PDE11A: variants seen among roughly 807,000 people sequenced by gnomAD.
The protein encoded by PDE11A is phosphodiesterase 11A.
Under a neutral mutation model 100.5 loss-of-function variants are expected in PDE11A, and 100 were observed. The observed-to-expected ratio is 1.00, with a 90% CI of 0.85 to 1.18. The LOEUF (loss-of-function observed/expected upper bound fraction) is 1.18, where lower values mean the gene tolerates loss of function less well. PDE11A is among the 50% of genes most tolerant of loss of function. The pLI is 0.00. For synonymous variants in PDE11A, 381 were observed against 420.8 expected, an observed-to-expected ratio of 0.91 and a Z score of 1.16; for missense variants, 1,141 against 1,152.6, an observed-to-expected ratio of 0.99 and a Z score of 0.15.
chr2:177,631,480 CAAAAAAAAAAAAAAA>C (rs539411793), intron 19 of PDE11A, among the ~76,000 whole-genome samples: 35 of 8,146 alleles, frequency 4.3e-3, no homozygotes, highest in Non-Finnish European at 5.7e-3. Flanking sequence ...GACTCTATCT[CAAAAAAAAAAAAAAA>C]AAAAAAAAAA....
At position 177,905,234 on chromosome 2, in the gene PDE11A, T is replaced by C. The variant is rs771822612; in HGVS notation, c.1072-47A>G. Reference sequence around the variant, plus strand: ...GAACATTAAAACATAAGAACATTGATACATCCCTTGTAGACTAAATTGCAC... The same window carrying C: ...GAACATTAAAACATAAGAACATTGACACATCCCTTGTAGACTAAATTGCAC... On this transcript the variant is annotated intron_variant, in intron 2 of 19. Transcript: ENST00000286063. The C allele has an allele frequency of 3.9e-6, 4 of 1,023,978 alleles. No individual in the cohort carries two copies. The Admixed American group carries it at 6.8e-5, about 17-fold the overall frequency. 63.4% of individuals were successfully genotyped at this position (1,023,978 alleles called of 1,614,324 possible).
intron 18 of PDE11A, among the ~76,000 whole-genome samples, chr2:177,664,862 A>T (rs1218222853): frequency 6.6e-6 from 1 of 152,076 alleles, no homozygotes; most frequent in African/African-American, 2.4e-5. Context: ...TGGCATTCAC[A>T]TTATTTTGGT....
At chr2:177,665,515 A>AATAAT (rs2080561084) in intron 18 of PDE11A, among the ~76,000 whole-genome samples, 5 of 150,764 alleles carry the variant, frequency 3.3e-5, no homozygotes, top group Non-Finnish European at 7.4e-5. Context: ...AATAAAATAA[A>AATAAT]ATAAAATAAA....
chr2:178,094,523 G>T (rs555982610), intron 2 of PDE11A, among the ~76,000 whole-genome samples: 1 of 152,050 alleles, frequency 6.6e-6, no homozygotes, highest in Non-Finnish European at 1.5e-5. Flanking sequence ...CAGAGTGACA[G>T]CCTGTCTCGA....
chr2:178,040,746 A>G (rs2086673442), intron 1 of PDE11A, among the ~76,000 whole-genome samples: 1 of 152,166 alleles, frequency 6.6e-6, no homozygotes, highest in African/African-American at 2.4e-5. Flanking sequence ...TCCTTTTACT[A>G]TGCTTTGACA....
At chr2:177,889,106 T>C (rs2084486984) in intron 4 of PDE11A, among the ~76,000 whole-genome samples, 1 of 152,224 alleles carries the variant, frequency 6.6e-6, no homozygotes, top group African/African-American at 2.4e-5. Flanking sequence ...GCTGTGCTCT[T>C]CTTTGTATAT....
chr2:177,750,470 T>A (rs2082010692), intron 10 of PDE11A, among the ~76,000 whole-genome samples: 1 of 152,256 alleles, frequency 6.6e-6, no homozygotes, highest in Admixed American at 6.5e-5. Flanking sequence ...ATCTGGATGG[T>A]CCTGCAGCAT....
At chr2:178,065,418 T>C (rs924814428) in intron 1 of PDE11A, among the ~76,000 whole-genome samples, 2 of 152,208 alleles carry the variant, frequency 1.3e-5, no homozygotes, top group South Asian at 2.1e-4. Context: ...ATTTAGCTTA[T>C]GGGTTGGGAA....
At chr2:177,692,975 C>G (rs954748884) in intron 15 of PDE11A, among the ~76,000 whole-genome samples, 2 of 152,174 alleles carry the variant, frequency 1.3e-5, no homozygotes, top group Non-Finnish European at 2.9e-5. Flanking sequence ...CCCTGCCCAG[C>G]CTGGCCCTTT....
At chr2:177,777,606 A>G (rs947373159) in intron 9 of PDE11A, among the ~76,000 whole-genome samples, 1 of 152,208 alleles carries the variant, frequency 6.6e-6, no homozygotes, top group Admixed American at 6.5e-5. Flanking sequence ...TAGGTTCATC[A>G]TACATTTTTG....
rs1003059424 is a variant in PDE11A at position 177,840,400 on chromosome 2, G to T, written c.1368-17C>A. The T allele has an allele frequency of 1.9e-6, 3 of 1,612,602 alleles. No homozygotes were observed. The South Asian group carries it at 3.3e-5, about 18-fold the overall frequency. On this transcript the variant is annotated splice_polypyrimidine_tract_variant and intron_variant, in intron 5 of 19. Coordinates refer to ENST00000286063, the MANE Select transcript of PDE11A (RefSeq NM_016953.4). ...TCTTTGAAACTATCAGAGCACCAAGGTAGGCAGGAAGAAAAGAGAGAAACG... is the reference window on the plus strand; with the variant it reads ...TCTTTGAAACTATCAGAGCACCAAGTTAGGCAGGAAGAAAAGAGAGAAACG...
intron 9 of PDE11A, among the ~76,000 whole-genome samples, chr2:177,772,708 T>C (rs1295653889): frequency 7.5e-6 from 1 of 133,242 alleles, no homozygotes; most frequent in Admixed American, 7.1e-5. Context: ...CCCACTTCCT[T>C]TATTTAAAAA....
At chr2:177,754,693 T>C (rs2082067765) in intron 10 of PDE11A, among the ~76,000 whole-genome samples, 1 of 152,198 alleles carries the variant, frequency 6.6e-6, no homozygotes, top group South Asian at 2.1e-4. Flanking sequence ...ACTTAAAATA[T>C]TTGCATCCTG....
chr2:177,837,868 C>G lies in PDE11A; in HGVS notation c.1500+2383G>C, dbSNP rs7592731. Among the ~76,000 whole-genome samples, 221 of 152,080 alleles carry G rather than the reference C, an allele frequency of 1.5e-3. 1 individual carries two copies. Among genetic ancestry groups the G allele is most frequent in the African/African-American group, 5.0e-3 (209 of 41,476 alleles). ...TTGACATGGCTAAAGTCAGGTAATA[C>G]GGGATTTAAAAGGACTTTCTTAAGG... On this transcript the variant is annotated intron_variant, in intron 6 of 19. Transcript: ENST00000286063.
chr2:177,930,090 C>T (rs1434222655), intron 2 of PDE11A, among the ~76,000 whole-genome samples: 1 of 150,416 alleles, frequency 6.6e-6, no homozygotes, highest in African/African-American at 2.5e-5. Context: ...CAATTTAAAG[C>T]TTATTCTTAA....
intron 4 of PDE11A, among the ~76,000 whole-genome samples, chr2:177,880,926 G>T (rs2084322416): frequency 6.6e-6 from 1 of 152,162 alleles, no homozygotes; most frequent in African/African-American, 2.4e-5. Flanking sequence ...TGGTTAATTG[G>T]TATGTGTCAA....
intron 1 of PDE11A, among the ~76,000 whole-genome samples, chr2:178,043,061 T>C (rs748212296): frequency 2.0e-5 from 3 of 152,234 alleles, no homozygotes; most frequent in African/African-American, 7.2e-5. Context: ...TTCTAACTGA[T>C]ACTGTCACAA....
At chr2:177,849,813 G>T (rs2083668116) in intron 5 of PDE11A, among the ~76,000 whole-genome samples, 1 of 150,806 alleles carries the variant, frequency 6.6e-6, no homozygotes, top group Admixed American at 6.6e-5. Flanking sequence ...AAAAACCTAG[G>T]AATCCAACTT....
intron 9 of PDE11A, among the ~76,000 whole-genome samples, chr2:177,810,132 G>A (rs138523886): frequency 7.3e-4 from 111 of 152,228 alleles, no homozygotes; most frequent in African/African-American, 2.4e-3. Flanking sequence ...AAGGGAATAC[G>A]AGCTGATGTT....
Sources: gnomAD v4.1 joint callset for allele counts (sites outside exome capture counted in the v4.1 genomes callset) on GRCh38, gnomAD v4.1.1 for gene constraint, MANE v1.5 for transcripts, NCBI Gene and HGNC (gene_info 2026-07-23, HGNC 2026-07-21) for gene names.